The following PAK1 variants were observed in gnomAD, a reference collection of about 807,000 sequenced individuals.
The protein encoded by PAK1 is p21 (RAC1) activated kinase 1.
Under a neutral mutation model 67.4 loss-of-function variants are expected in PAK1, and 29 were observed. That is an observed-to-expected ratio of 0.43 (90% CI 0.32 to 0.59). The LOEUF is 0.59. Ranked by LOEUF, PAK1 falls within the 20% of genes least tolerant of loss-of-function variation. The pLI, the probability that PAK1 is intolerant of heterozygous loss-of-function variation, is 0.07. For synonymous variants in PAK1, 223 were observed against 237.4 expected (o/e 0.94, Z 0.56); for missense variants, 337 against 670.7 (o/e 0.50, Z 5.50).
chr11:77,479,209 C>T (rs574291743), upstream of PAK1, among the ~76,000 whole-genome samples: 2 of 152,176 alleles, frequency 1.3e-5, no homozygotes, highest in South Asian at 4.1e-4. Context: ...GTCACGAGTT[C>T]TATGGCTTCA....
chr11:77,442,589 G>C (rs978097678), intron 1 of PAK1, among the ~76,000 whole-genome samples: 5 of 152,218 alleles, frequency 3.3e-5, no homozygotes, highest in Middle Eastern at 3.4e-3. Context: ...GCAGTCCTGG[G>C]CAACAGTTTG....
intron 4 of PAK1, 28 bp from the exon 5 acceptor site, chr11:77,374,393 A>C (rs1251701094): frequency 6.6e-7 from 1 of 1,511,566 alleles, no homozygotes. Flanking sequence ...CAAGGGACTT[A>C]GTCAATAACA....
At chr11:77,416,726 G>A (rs563647123) in intron 1 of PAK1, among the ~76,000 whole-genome samples, 4 of 152,252 alleles carry the variant, frequency 2.6e-5, no homozygotes, top group Non-Finnish European at 5.9e-5. Context: ...GGCCAAGGTG[G>A]GCGGATCACG....
the PAK1 span, among the ~76,000 whole-genome samples, chr11:77,496,469 C>T: frequency 2.0e-4 from 31 of 151,530 alleles, no homozygotes; most frequent in Non-Finnish European, 3.5e-4. Flanking sequence ...ACAAAAAATA[C>T]AAAAAAATTT....
At chr11:77,437,897 A>G (rs762013392) in intron 1 of PAK1, among the ~76,000 whole-genome samples, 1 of 152,226 alleles carries the variant, frequency 6.6e-6, no homozygotes, top group Non-Finnish European at 1.5e-5. Flanking sequence ...TAGATATTCA[A>G]TAGGAAAGCC....
chr11:77,398,172 C>A (rs1480564101), intron 1 of PAK1, among the ~76,000 whole-genome samples: 3 of 152,314 alleles, frequency 2.0e-5, no homozygotes, highest in African/African-American at 7.2e-5. Context: ...TTATTGATTA[C>A]AGTCACCCTG....
chr11:77,498,227 G>C, the PAK1 span, among the ~76,000 whole-genome samples: 1 of 152,080 alleles, frequency 6.6e-6, no homozygotes, highest in Admixed American at 6.5e-5. Context: ...TAACATTAGG[G>C]GGAGCTGGGT....
intron 1 of PAK1, among the ~76,000 whole-genome samples, chr11:77,396,327 T>C (rs543816569): frequency 2.0e-4 from 30 of 152,224 alleles, no homozygotes; most frequent in Non-Finnish European, 3.5e-4. Flanking sequence ...CCAAAGACTG[T>C]CTCTTCTATC....
intron 1 of PAK1, among the ~76,000 whole-genome samples, chr11:77,451,639 G>A (rs999839794): frequency 2.8e-5 from 4 of 140,566 alleles, no homozygotes; most frequent in Admixed American, 6.9e-5. Context: ...TTGCTCTGTC[G>A]CCCAGGCTGG....
chr11:77,413,824 T>C (rs1298554301), intron 1 of PAK1, among the ~76,000 whole-genome samples: 1 of 152,198 alleles, frequency 6.6e-6, no homozygotes, highest in South Asian at 2.1e-4. Context: ...TAAGACTTTT[T>C]TTTAACCCCA....
chr11:77,401,183 T>C (rs1238766534), intron 1 of PAK1, among the ~76,000 whole-genome samples: 4 of 152,242 alleles, frequency 2.6e-5, no homozygotes, highest in South Asian at 4.1e-4. Flanking sequence ...CTGTATGCCC[T>C]TGACGCCTGG....
At chr11:77,328,143 T>G (rs1453287402) in intron 14 of PAK1, among the ~76,000 whole-genome samples, 5 of 152,140 alleles carry the variant, frequency 3.3e-5, no homozygotes, top group Non-Finnish European at 7.3e-5. Flanking sequence ...AGCAAGTCCT[T>G]AGTGACCTAC....
intron 1 of PAK1, among the ~76,000 whole-genome samples, chr11:77,435,398 T>G (rs113801333): frequency 0.018 from 2,803 of 152,288 alleles, 81 homozygotes; most frequent in African/African-American, 0.063. Flanking sequence ...ATAAAAATAG[T>G]AATCCCTGCC....
chr11:77,502,349 C>T, the PAK1 span, among the ~76,000 whole-genome samples: 2 of 152,142 alleles, frequency 1.3e-5, no homozygotes, highest in African/African-American at 4.8e-5. Flanking sequence ...TTATTTTCAA[C>T]CAGCACAGAA....
chr11:77,503,473 T>C, the PAK1 span, among the ~76,000 whole-genome samples: 1 of 152,250 alleles, frequency 6.6e-6, no homozygotes, highest in African/African-American at 2.4e-5. Flanking sequence ...TCAGGACCTT[T>C]TTACACTTTT....
the PAK1 span, among the ~76,000 whole-genome samples, chr11:77,488,359 T>G: frequency 1.3e-5 from 2 of 152,144 alleles, no homozygotes; most frequent in African/African-American, 2.4e-5. Flanking sequence ...CCACAATAAA[T>G]GCTTAATTCT....
intron 14 of PAK1, chr11:77,325,197 A>G: frequency 1.9e-6 from 2 of 1,028,540 alleles, no homozygotes; most frequent in East Asian, 2.5e-5. Flanking sequence ...TTCTCTGTCT[A>G]ATAAACAAAA....
chr11:77,474,620 C>G (rs569529436), upstream of PAK1: 2 of 152,306 alleles, frequency 1.3e-5, no homozygotes, highest in East Asian at 1.9e-4. Flanking sequence ...AATTTGAAAA[C>G]TATCCGATGT....
rs1947375922 is a variant in PAK1, at chr11:77,365,270, A to AAAAAAAG, written c.478-6254_478-6253insCTTTTTT. Among the ~76,000 whole-genome samples the AAAAAAAG allele has an allele frequency of 1.3e-3, 140 of 109,460 alleles. 1 individual carries two copies. Among genetic ancestry groups the AAAAAAAG allele is most frequent in the African/African-American group, 3.0e-3 (88 of 29,812 alleles). The allele number at this position is 109,460 out of a possible 152,430, so 71.8% of individuals were successfully genotyped here. A position where few individuals can be genotyped will look rare whatever the true frequency, so the allele number is the denominator to read the frequency against. ...CTGTCTCAAAAAAAAAAAAAAAAAG[A>AAAAAAAG]AAAAAGAAAAAAGAAAATGGACCCA... On this transcript the variant is annotated intron_variant, in intron 5 of 14. Transcript: ENST00000356341.
Sources: allele counts gnomAD v4.1 joint callset (sites outside exome capture counted in the v4.1 genomes callset), GRCh38; gene constraint gnomAD v4.1.1; transcripts MANE v1.5; gene names NCBI Gene and HGNC (gene_info 2026-07-23, HGNC 2026-07-21).